RBMS3: variants seen among roughly 807,000 people sequenced by gnomAD.
RBMS3 encodes RNA-binding motif, single-stranded-interacting protein 3.
RBMS3 carries 27 observed loss-of-function variants against 66.8 expected under a neutral mutation model. That is an observed-to-expected ratio of 0.40 (90% CI 0.30 to 0.56). RBMS3 has a LOEUF of 0.56. Ranked by LOEUF, RBMS3 falls within the 20% of genes least tolerant of loss-of-function variation. The probability of loss-of-function intolerance (pLI) is 0.40; values close to 1 mark genes in which losing one functional copy is unlikely to be tolerated. For missense variants in RBMS3, 513 were observed against 549.5 expected (o/e 0.93, Z 0.66); for synonymous variants, 188 against 183.0 (o/e 1.03, Z -0.22).
chr3:29,996,729 G>GACAC (rs1324075547), intron 14 of RBMS3, among the ~76,000 whole-genome samples: 1 of 152,180 alleles, frequency 6.6e-6, no homozygotes, highest in Non-Finnish European at 1.5e-5. Flanking sequence ...CAAGAACAAA[G>GACAC]ACACAACATA....
At position 29,333,034 on chromosome 3, in the gene RBMS3, A is replaced by G. The variant is rs955573326; in HGVS notation, c.75+51278A>G. Among the ~76,000 whole-genome samples the G allele has an allele frequency of 5.9e-5, 9 of 152,236 alleles. No individual in the cohort carries two copies. In the East Asian group the frequency reaches 1.7e-3, roughly 29 times the overall value. ...TTTCAGTAACAGAAAATATTGAAAA[A>G]TTTTAGAAACAGGAAAATCTAACCT... On this transcript the variant is annotated intron_variant, in intron 1 of 14. Transcript: ENST00000383767.
chr3:29,780,464 G>C (rs926926611), intron 6 of RBMS3, among the ~76,000 whole-genome samples: 1 of 151,548 alleles, frequency 6.6e-6, no homozygotes, highest in African/African-American at 2.4e-5. Context: ...AAAAATAATA[G>C]TTTACTTTTT....
At chr3:29,620,560 T>C (rs2048831485) in intron 4 of RBMS3, among the ~76,000 whole-genome samples, 1 of 152,120 alleles carries the variant, frequency 6.6e-6, no homozygotes, top group African/African-American at 2.4e-5. Flanking sequence ...GTAAATGTTT[T>C]AAAAAATCAA....
At chr3:29,777,785 T>A (rs896613526) in intron 6 of RBMS3, among the ~76,000 whole-genome samples, 1 of 151,910 alleles carries the variant, frequency 6.6e-6, no homozygotes, top group African/African-American at 2.4e-5. Flanking sequence ...TTGTTACAAT[T>A]CTACAACAAC....
chr3:29,967,089 A>G (rs1696900051), intron 12 of RBMS3, among the ~76,000 whole-genome samples: 1 of 152,130 alleles, frequency 6.6e-6, no homozygotes, highest in Non-Finnish European at 1.5e-5. Context: ...GGATTTGGTT[A>G]GCTATTATTT....
intron 10 of RBMS3, among the ~76,000 whole-genome samples, chr3:29,930,109 C>CTTTCTTTCTTTCTTTTTTTTT (rs71091082): frequency 2.3e-5 from 1 of 43,554 alleles, no homozygotes. Context: ...TTCTTTCTTT[C>CTTTCTTTCTTTCTTTTTTTTT]TTTTTTTTTT....
At chr3:29,355,841 A>G (rs2037195214) in intron 1 of RBMS3, among the ~76,000 whole-genome samples, 1 of 152,162 alleles carries the variant, frequency 6.6e-6, no homozygotes, top group Non-Finnish European at 1.5e-5. Context: ...TTTCTGGTTC[A>G]GTGACTTTTG....
At chr3:29,475,814 T>G (rs1443932258) in intron 2 of RBMS3, among the ~76,000 whole-genome samples, 1 of 152,152 alleles carries the variant, frequency 6.6e-6, no homozygotes, top group East Asian at 1.9e-4. Context: ...TCAGGTCATA[T>G]TGAGAGCATT....
intron 4 of RBMS3, among the ~76,000 whole-genome samples, chr3:29,590,367 TGTTA>T (rs879903766): frequency 7.2e-5 from 11 of 152,214 alleles, no homozygotes; most frequent in Admixed American, 3.3e-4. Context: ...ATTTAGTAAA[TGTTA>T]GTTATTCAAT....
At chr3:29,673,102 A>C (rs1360672791) in intron 4 of RBMS3, among the ~76,000 whole-genome samples, 1 of 152,184 alleles carries the variant, frequency 6.6e-6, no homozygotes, top group Non-Finnish European at 1.5e-5. Context: ...GAAACTCAAT[A>C]CCGCACAACT....
chr3:29,727,151 C>T (rs1430696928), intron 4 of RBMS3, among the ~76,000 whole-genome samples: 2 of 152,184 alleles, frequency 1.3e-5, no homozygotes, highest in African/African-American at 4.8e-5. Flanking sequence ...GCTTGGAAAA[C>T]TGGCTAGCCA....
chr3:29,703,779 C>T (rs1232856120), intron 4 of RBMS3, among the ~76,000 whole-genome samples: 1 of 152,174 alleles, frequency 6.6e-6, no homozygotes, highest in Non-Finnish European at 1.5e-5. Context: ...GGATCCCCAA[C>T]CCTACAGGTT....
At chr3:29,847,456 A>G (rs969973269) in intron 6 of RBMS3, among the ~76,000 whole-genome samples, 2 of 152,206 alleles carry the variant, frequency 1.3e-5, no homozygotes, top group African/African-American at 2.4e-5. Flanking sequence ...GGCAAAGATT[A>G]AAATTACCCT....
intron 2 of RBMS3, among the ~76,000 whole-genome samples, chr3:29,437,334 G>C (rs1469805159): frequency 6.6e-6 from 1 of 152,184 alleles, no homozygotes; most frequent in African/African-American, 2.4e-5. Context: ...GCATAGAATT[G>C]CCAGAATTTT....
rs991221305 is a variant in RBMS3 at position 30,007,850 on chromosome 3, G to C, written c.*3988G>C. ...ATTACTTCCTCCTGTGACCTTAGCAGATCTGTCACATTTGAAAGCATATGA... is the reference window on the plus strand; with the variant it reads ...ATTACTTCCTCCTGTGACCTTAGCACATCTGTCACATTTGAAAGCATATGA... On this transcript the variant is annotated 3_prime_UTR_variant, in exon 15 of 15. Transcript: ENST00000383767. 1 of 151,976 alleles carries C rather than the reference G, an allele frequency of 6.6e-6. No individual in the cohort carries two copies. The highest frequency in any genetic ancestry group is 1.5e-5 in the Non-Finnish European group (1 of 67,948). The allele number at this position is 151,976 out of a possible 1,614,324, so 9.4% of individuals were successfully genotyped here.
chr3:29,848,003 T>G (rs2058832104), intron 6 of RBMS3, among the ~76,000 whole-genome samples: 1 of 152,200 alleles, frequency 6.6e-6, no homozygotes, highest in African/African-American at 2.4e-5. Flanking sequence ...CCCCTTTGTA[T>G]TTTGTGTAGG....
At chr3:29,859,411 A>T (rs1361381616) in intron 6 of RBMS3, among the ~76,000 whole-genome samples, 1 of 152,214 alleles carries the variant, frequency 6.6e-6, no homozygotes, top group Admixed American at 6.5e-5. Context: ...GATGGTAAAG[A>T]GGGTAGAAAG....
intron 1 of RBMS3, among the ~76,000 whole-genome samples, chr3:29,317,543 A>G (rs2034757686): frequency 6.6e-6 from 1 of 151,772 alleles, no homozygotes; most frequent in African/African-American, 2.4e-5. Context: ...TATTAATTGG[A>G]TGGAAAAGAC....
chr3:30,000,069 C>A (rs1395896419), intron 14 of RBMS3, among the ~76,000 whole-genome samples: 1 of 152,010 alleles, frequency 6.6e-6, no homozygotes, highest in Non-Finnish European at 1.5e-5. Context: ...TAAAGAACTT[C>A]TGCACAGCAA....
Sources: allele counts gnomAD v4.1 joint callset (sites outside exome capture counted in the v4.1 genomes callset), GRCh38; gene constraint gnomAD v4.1.1; transcripts MANE v1.5; gene names NCBI Gene and HGNC (gene_info 2026-07-23, HGNC 2026-07-21).